SLC2A13: variants seen among roughly 807,000 people sequenced by gnomAD.
The protein encoded by SLC2A13 is proton myo-inositol cotransporter.
In SLC2A13, 32 loss-of-function variants were observed where a neutral mutation model predicts 64.4. The ratio of observed to expected loss-of-function variants is 0.50; its 90% CI spans 0.37 to 0.67. The LOEUF is 0.67. Among genes scored for constraint, SLC2A13 ranks in the 30% least tolerant of loss-of-function variants. SLC2A13 has a pLI of 0.00. For synonymous variants in SLC2A13, 338 were observed against 327.1 expected (o/e 1.03, Z -0.36); for missense variants, 743 against 829.2 (o/e 0.90, Z 1.28).
chr12:39,761,772 G>C (rs978386224), intron 9 of SLC2A13, among the ~76,000 whole-genome samples: 1 of 152,012 alleles, frequency 6.6e-6, no homozygotes, highest in Non-Finnish European at 1.5e-5. Flanking sequence ...GAAAAAATAA[G>C]TACAGATGGT....
At chr12:39,873,191 A>G (rs1592228242) in intron 4 of SLC2A13, among the ~76,000 whole-genome samples, 1 of 152,322 alleles carries the variant, frequency 6.6e-6, no homozygotes, top group East Asian at 1.9e-4. Flanking sequence ...ACTATGTAGC[A>G]TGAAGGATGT....
At chr12:40,007,817 AAT>A (rs1441444347) in intron 3 of SLC2A13, among the ~76,000 whole-genome samples, 1 of 152,220 alleles carries the variant, frequency 6.6e-6, no homozygotes, top group Non-Finnish European at 1.5e-5. Flanking sequence ...GAAGCCATTA[AAT>A]ATGAGTGGTA....
At chr12:40,069,865 C>G (rs900568986) in intron 1 of SLC2A13, among the ~76,000 whole-genome samples, 1 of 151,982 alleles carries the variant, frequency 6.6e-6, no homozygotes, top group African/African-American at 2.4e-5. Flanking sequence ...ACTGTGCACC[C>G]CTAACTTTTT....
chr12:40,105,799 T>C lies in SLC2A13; in HGVS notation c.10A>G (p.Lys4Glu). The change falls in exon 1 of 10, where the codon AAG becomes GAG. Residue 4 changes from lysine (K) to glutamate (E), a missense_variant. Physicochemically the swap from Lys to Glu is moderately conservative, Grantham distance 56. This residue lies in a region of SLC2A13 where 448 missense variants were observed against 447.4 expected (regional missense o/e 1.00). Coordinates refer to ENST00000280871, the MANE Select transcript of SLC2A13 (RefSeq NM_052885.4). The surrounding 1 kb of genome is among the most constrained non-coding windows in gnomAD (Gnocchi z 4.2). ...GTGTACTCCACATTCTCGCTTGCCT[T>C]GCGGGACATAGGGCAGGGGCCCGGG... MSR[K>E]ASENVEYTLR... 6.8e-7 allele frequency: 1 copy of C among 1,479,802 alleles called. No homozygotes were observed. Among genetic ancestry groups the C allele is most frequent in the South Asian group, 1.3e-5 (1 of 76,958 alleles). 91.7% of individuals were successfully genotyped at this position (1,479,802 alleles called of 1,614,324 possible). A position where few individuals can be genotyped will look rare whatever the true frequency, so the allele number is the denominator to read the frequency against.
intron 9 of SLC2A13, 119 bp downstream of exon 9, chr12:39,764,341 G>T: frequency 1.1e-6 from 1 of 887,722 alleles, no homozygotes; most frequent in Non-Finnish European, 1.6e-6. Context: ...AAGCCACATG[G>T]AGATACTTAT....
chr12:39,896,290 ATGTG>A (rs372257701), intron 4 of SLC2A13, among the ~76,000 whole-genome samples: 1 of 99,184 alleles, frequency 1.0e-5, no homozygotes, highest in African/African-American at 3.7e-5. Flanking sequence ...ATGTATGTAT[ATGTG>A]TGTATATATG....
intron 6 of SLC2A13, chr12:39,835,622 C>T (rs553565171): frequency 5.6e-4 from 85 of 152,178 alleles, no homozygotes; most frequent in African/African-American, 1.9e-3. Flanking sequence ...ATACAATGCT[C>T]TTTACTGACT....
At position 39,760,043 on chromosome 12, in the gene SLC2A13, C is replaced by T. The variant is rs1407291378; in HGVS notation, c.1930G>A (p.Ala644Thr). The stretch of plus-strand genomic sequence containing the variant: ...GCTGAAAATTATTCCACATCAGAAG[C>T]ATCATTGTCAGAAAGATGATAGTTA... Reference protein sequence around the residue: ...GSNYHLSDNDASDVE With the variant: ...GSNYHLSDNDTSDVE Residue 644 changes from alanine (A) to threonine (T), a missense_variant, in exon 10 of 10, where the codon GCT becomes ACT. By Grantham distance (58) the Ala-to-Thr change is moderately conservative. Transcript: ENST00000280871. The T allele has an allele frequency of 1.2e-6, 2 of 1,611,616 alleles. No homozygotes were observed. Among genetic ancestry groups the T allele is most frequent in the African/African-American group, 2.7e-5 (2 of 74,744 alleles).
At chr12:39,891,345 G>A (rs181955290) in intron 4 of SLC2A13, among the ~76,000 whole-genome samples, 8 of 151,548 alleles carry the variant, frequency 5.3e-5, no homozygotes, top group East Asian at 3.9e-4. Context: ...GGAGGGACCC[G>A]CACTGTTTCA....
chr12:39,985,942 T>C (rs1947023514), intron 3 of SLC2A13, among the ~76,000 whole-genome samples: 1 of 152,126 alleles, frequency 6.6e-6, no homozygotes, highest in Non-Finnish European at 1.5e-5. Context: ...CAATAAATGT[T>C]TATTTCTCAC....
chr12:39,991,805 T>TAA (rs1555148280), intron 3 of SLC2A13, among the ~76,000 whole-genome samples: 1 of 82,240 alleles, frequency 1.2e-5, no homozygotes, highest in Non-Finnish European at 2.9e-5. Flanking sequence ...TACTATCTTT[T>TAA]TAAAAAAAAA....
At chr12:39,767,147 T>C (rs1169656538) in intron 7 of SLC2A13, among the ~76,000 whole-genome samples, 3 of 152,064 alleles carry the variant, frequency 2.0e-5, no homozygotes, top group African/African-American at 7.2e-5. Flanking sequence ...TTTTAAATAA[T>C]AAGACTTGAA....
chr12:39,811,736 AATATT>A (rs1566818056), intron 7 of SLC2A13, among the ~76,000 whole-genome samples: 2 of 152,184 alleles, frequency 1.3e-5, no homozygotes, highest in African/African-American at 2.4e-5. Flanking sequence ...AATCTCTGAT[AATATT>A]CCTTAATCTG....
At chr12:39,858,854 C>T (rs1943677956) in intron 6 of SLC2A13, among the ~76,000 whole-genome samples, 1 of 152,180 alleles carries the variant, frequency 6.6e-6, no homozygotes, top group Non-Finnish European at 1.5e-5. Flanking sequence ...GATCCACCCG[C>T]TTTGGCCTCC....
chr12:40,003,806 T>G (rs573186619), intron 3 of SLC2A13, among the ~76,000 whole-genome samples: 1 of 152,178 alleles, frequency 6.6e-6, no homozygotes, highest in South Asian at 2.1e-4. Context: ...ATTATTCCCT[T>G]TCTGTAGATG....
At chr12:39,997,067 C>T (rs2136175638) in intron 3 of SLC2A13, among the ~76,000 whole-genome samples, 1 of 152,108 alleles carries the variant, frequency 6.6e-6, no homozygotes, top group African/African-American at 2.4e-5. Context: ...AAAAAGAGCC[C>T]ACAGAGCCAA....
intron 7 of SLC2A13, among the ~76,000 whole-genome samples, chr12:39,817,507 A>G (rs1942371044): frequency 6.6e-6 from 1 of 152,182 alleles, no homozygotes; most frequent in Non-Finnish European, 1.5e-5. Flanking sequence ...CTGAAATGAA[A>G]CTTTTGCATC....
intron 4 of SLC2A13, among the ~76,000 whole-genome samples, chr12:39,930,523 T>C (rs769330730): frequency 8.5e-5 from 13 of 152,114 alleles, no homozygotes; most frequent in Non-Finnish European, 1.5e-4. Flanking sequence ...GAAAAGTCAG[T>C]GCAGAATTTC....
intron 1 of SLC2A13, among the ~76,000 whole-genome samples, chr12:40,056,924 G>T (rs564364208): frequency 2.6e-5 from 4 of 152,216 alleles, no homozygotes; most frequent in South Asian, 2.1e-4. Flanking sequence ...AGCTTGCAGT[G>T]AGTCGAGATC....
Sources: allele counts gnomAD v4.1 joint callset (sites outside exome capture counted in the v4.1 genomes callset), GRCh38; gene constraint gnomAD v4.1.1; regional missense constraint gnomAD v4.1.1; non-coding constraint Gnocchi (gnomAD v3.1); transcripts MANE v1.5; gene names NCBI Gene and HGNC (gene_info 2026-07-23, HGNC 2026-07-21).